The following SGCD variants were observed in gnomAD, a reference collection of about 807,000 sequenced individuals.
The protein encoded by SGCD is delta-sarcoglycan.
A neutral mutation model predicts 36.6 loss-of-function variants in SGCD; 18 were observed. That is an observed-to-expected ratio of 0.49 (90% CI 0.34 to 0.73). The LOEUF is 0.73. Ranked by LOEUF, SGCD falls within the 30% of genes least tolerant of loss-of-function variation. The pLI, the probability that SGCD is intolerant of heterozygous loss-of-function variation, is 0.01. For synonymous variants in SGCD, 133 were observed against 130.6 expected, an observed-to-expected ratio of 1.02 and a Z score of -0.12; for missense variants, 387 against 346.7, an observed-to-expected ratio of 1.12 and a Z score of -0.92.
At chr5:156,403,088 G>A (rs985077462) in intron 3 of SGCD, among the ~76,000 whole-genome samples, 4 of 152,100 alleles carry the variant, frequency 2.6e-5, no homozygotes, top group Admixed American at 6.5e-5. Flanking sequence ...TGACTACTTC[G>A]GGGCCACATT....
At chr5:156,055,871 A>G (rs1035327214) in intron 1 of SGCD, among the ~76,000 whole-genome samples, 1 of 146,448 alleles carries the variant, frequency 6.8e-6, no homozygotes, top group African/African-American at 2.5e-5. Flanking sequence ...GCATGGTATT[A>G]CATGCTTAGT....
chr5:156,503,141 A>C (rs1353531788), intron 3 of SGCD, among the ~76,000 whole-genome samples: 2 of 152,336 alleles, frequency 1.3e-5, no homozygotes, highest in African/African-American at 2.4e-5. Context: ...CTTGGATTAG[A>C]TTTATATTTC....
At chr5:156,408,735 T>A (rs1189464085) in intron 3 of SGCD, among the ~76,000 whole-genome samples, 1 of 152,210 alleles carries the variant, frequency 6.6e-6, no homozygotes, top group African/African-American at 2.4e-5. Context: ...CCTCTGTCTT[T>A]AGTCATCCTC....
intron 4 of SGCD, among the ~76,000 whole-genome samples, chr5:156,534,038 C>T (rs1757995435): frequency 2.6e-5 from 4 of 152,114 alleles, no homozygotes; most frequent in South Asian, 4.1e-4. Flanking sequence ...CAATGTAACA[C>T]TATAAATTTG....
intron 4 of SGCD, among the ~76,000 whole-genome samples, chr5:156,585,497 G>A (rs904421247): frequency 6.6e-6 from 1 of 152,130 alleles, no homozygotes. Flanking sequence ...CAAAGTTAGT[G>A]TTATTTTAGT....
chr5:156,291,277 T>C (rs6887144), intron 3 of SGCD, among the ~76,000 whole-genome samples: 5,671 of 152,182 alleles, frequency 0.037, 326 homozygotes, highest in African/African-American at 0.12. Context: ...CAAAGAAATA[T>C]TCAATACTCA....
At chr5:156,260,173 A>T (rs934307143) in intron 3 of SGCD, among the ~76,000 whole-genome samples, 2 of 152,198 alleles carry the variant, frequency 1.3e-5, no homozygotes, top group Non-Finnish European at 2.9e-5. Context: ...AGAGCCTTTA[A>T]ATAAAATAGC....
chr5:156,652,804 AG>A (rs1333700764), intron 7 of SGCD, among the ~76,000 whole-genome samples: 1 of 152,000 alleles, frequency 6.6e-6, no homozygotes, highest in Non-Finnish European at 1.5e-5. Flanking sequence ...TTTCTCATAC[AG>A]GGATGTTGGA....
chr5:156,340,260 C>A (rs961672235), intron 2 of SGCD, among the ~76,000 whole-genome samples: 6 of 152,214 alleles, frequency 3.9e-5, no homozygotes, highest in African/African-American at 1.4e-4. Flanking sequence ...TGACATTTTA[C>A]ATATCTCATG....
intron 3 of SGCD, among the ~76,000 whole-genome samples, chr5:156,127,933 G>A (rs1762220898): frequency 7.0e-6 from 1 of 143,350 alleles, no homozygotes; most frequent in Non-Finnish European, 1.5e-5. Flanking sequence ...AACTTCAGGA[G>A]GAAAAGATTT....
intron 4 of SGCD, among the ~76,000 whole-genome samples, chr5:156,575,998 C>T (rs184125289): frequency 6.6e-6 from 1 of 152,104 alleles, no homozygotes; most frequent in Admixed American, 6.5e-5. Flanking sequence ...ATAGGTATAC[C>T]TGTGCCATGT....
chr5:156,719,130 T>C (rs1214054785), intron 7 of SGCD, among the ~76,000 whole-genome samples: 1 of 152,042 alleles, frequency 6.6e-6, no homozygotes, highest in African/African-American at 2.4e-5. Flanking sequence ...TTTTAAGGAA[T>C]TGGGTCACAC....
intron 3 of SGCD, among the ~76,000 whole-genome samples, chr5:156,263,107 C>A (rs1352172894): frequency 6.6e-6 from 1 of 151,922 alleles, no homozygotes; most frequent in African/African-American, 2.4e-5. Flanking sequence ...GACTTATTTT[C>A]CTCTAGGTAG....
chr5:156,383,991 C>T (rs984589999), intron 3 of SGCD, among the ~76,000 whole-genome samples: 2 of 152,146 alleles, frequency 1.3e-5, no homozygotes, highest in Non-Finnish European at 2.9e-5. Context: ...CATGCTCATC[C>T]TAGGGTCCAG....
At chr5:156,464,221 T>G (rs1458274039) in intron 3 of SGCD, among the ~76,000 whole-genome samples, 2 of 149,098 alleles carry the variant, frequency 1.3e-5, no homozygotes, top group Admixed American at 1.3e-4. Flanking sequence ...TACATATTTT[T>G]TTTTTTTTTT....
At chr5:156,099,468 G>C (rs900113928) in intron 1 of SGCD, among the ~76,000 whole-genome samples, 26 of 152,144 alleles carry the variant, frequency 1.7e-4, no homozygotes, top group African/African-American at 5.8e-4. Flanking sequence ...AGAGTGGAAT[G>C]CAGTGGCGCC....
At chr5:156,323,441 C>A (rs1188102783), upstream of SGCD, among the ~76,000 whole-genome samples, 1 of 152,086 alleles carries the variant, frequency 6.6e-6, no homozygotes, top group African/African-American at 2.4e-5. Context: ...TAAAAATATC[C>A]TTTGAAAAGG....
the SGCD span, among the ~76,000 whole-genome samples, chr5:155,798,281 A>G: frequency 6.6e-6 from 1 of 152,174 alleles, no homozygotes; most frequent in African/African-American, 2.4e-5. Flanking sequence ...AGTTCTACTG[A>G]TTTAGCATAC....
At chr5:155,938,085 C>T (rs986086223) in intron 1 of SGCD, among the ~76,000 whole-genome samples, 1 of 152,226 alleles carries the variant, frequency 6.6e-6, no homozygotes, top group African/African-American at 2.4e-5. Flanking sequence ...CACATACCTG[C>T]ACATACAGAC....
Sources: allele counts gnomAD v4.1 joint callset (sites outside exome capture counted in the v4.1 genomes callset), GRCh38; gene constraint gnomAD v4.1.1; transcripts MANE v1.5; gene names NCBI Gene and HGNC (gene_info 2026-07-23, HGNC 2026-07-21).